MYBPC2: variants seen among roughly 807,000 people sequenced by gnomAD.
MYBPC2 encodes myosin-binding protein C, fast-type.
MYBPC2 carries 122 observed loss-of-function variants against 137.0 expected under a neutral mutation model. The observed-to-expected ratio is 0.89, with a 90% CI of 0.77 to 1.03. MYBPC2 has a LOEUF of 1.03. Ranked by LOEUF, MYBPC2 falls within the 50% of genes least tolerant of loss-of-function variation. MYBPC2 has a pLI of 0.00. For synonymous variants in MYBPC2, 626 were observed against 612.3 expected (o/e 1.02, Z -0.33); for missense variants, 1,500 against 1,534.4 (o/e 0.98, Z 0.37).
intron 1 of MYBPC2, 149 bp downstream of exon 1, chr19:50,433,121 C>T (rs3765069): frequency 0.4 from 397,547 of 989,436 alleles, 84,795 homozygotes; most frequent in Middle Eastern, 0.53. Flanking sequence ...TGGGGGTTCC[C>T]GCATCAGTTT....
Position 50,459,311 on chromosome 19 carries a change from G to T in MYBPC2, c.2791+5G>T. On this transcript the variant is annotated splice_donor_5th_base_variant and intron_variant, in intron 23 of 27. Coordinates refer to ENST00000357701, the MANE Select transcript of MYBPC2 (RefSeq NM_004533.4). ...CCATCCGCATCCGCGTTGTGGGTGCGCGCGCTGGGGAGGGCCCCTGGAGGC... is the reference window on the plus strand; with the variant it reads ...CCATCCGCATCCGCGTTGTGGGTGCTCGCGCTGGGGAGGGCCCCTGGAGGC... The T allele has an allele frequency of 6.3e-7, 1 of 1,592,608 alleles. No homozygotes were observed. Among genetic ancestry groups the T allele is most frequent in the African/African-American group, 1.4e-5 (1 of 73,606 alleles).
rs557987741 is a variant in MYBPC2 at position 50,435,316 on chromosome 19, C to A, written c.109+66C>A. Reference sequence around the variant, plus strand: ...CATCTCCATCCTCCTCGCTACGCCTCTCCAGGCCTTTCCCCAGCCTCTATC... The same window carrying A: ...CATCTCCATCCTCCTCGCTACGCCTATCCAGGCCTTTCCCCAGCCTCTATC... On this transcript the variant is annotated intron_variant, in intron 2 of 27. Transcript: ENST00000357701. The surrounding 1 kb of genome is among the most constrained non-coding windows in gnomAD (Gnocchi z 4.8). The A allele has an allele frequency of 2.3e-4, 164 of 711,050 alleles. No homozygotes were observed. The highest frequency in any genetic ancestry group is 1.5e-3 in the Middle Eastern group (5 of 3,290). The allele number at this position is 711,050 out of a possible 1,614,324, so 44.0% of individuals were successfully genotyped here.
At chr19:50,454,518 T>A (rs1262385851) in intron 18 of MYBPC2, 149 bp downstream of exon 18, 1 of 677,028 alleles carries the variant, frequency 1.5e-6, no homozygotes, top group African/African-American at 1.9e-5. Context: ...CTCTGCCTCC[T>A]GGGTACAAGC....
chr19:50,445,543 C>T (rs1285058977), intron 11 of MYBPC2, among the ~76,000 whole-genome samples: 2 of 152,018 alleles, frequency 1.3e-5, no homozygotes, highest in Non-Finnish European at 2.9e-5. Flanking sequence ...TAGGTGCCCA[C>T]CACCACACCT....
At position 50,437,735 on chromosome 19, in the gene MYBPC2, G is replaced by A; in HGVS notation, c.572+17G>A. On this transcript the variant is annotated intron_variant, in intron 7 of 27. Coordinates refer to ENST00000357701, the MANE Select transcript of MYBPC2 (RefSeq NM_004533.4). ...GAAGAAGAGGTGAGCCCCGGACTTG[G>A]CACAGAGAGGGGAGATGGGACTCAA... The A allele has an allele frequency of 6.3e-7, 1 of 1,595,946 alleles. No individual in the cohort carries two copies. Among genetic ancestry groups the A allele is most frequent in the Non-Finnish European group, 8.5e-7 (1 of 1,171,342 alleles).
chr19:50,462,961 G>A (rs1442626266), intron 26 of MYBPC2, among the ~76,000 whole-genome samples: 1 of 152,172 alleles, frequency 6.6e-6, no homozygotes, highest in African/African-American at 2.4e-5. Context: ...CAGTCCCATG[G>A]AAAAAGAAAC....
Position 50,462,033 on chromosome 19 carries a change from G to A in MYBPC2, c.3225G>A (p.Pro1075=), listed in dbSNP as rs749238068. ...TCAACTGTGCTGTCAGAGGCCACCC[G>A]AAGGTGCCAGGGCAGGGACCCAGAT... ...AALNCAVRGH[P]KPKVVWMKNK... is the part of the protein sequence containing the mutation. The change falls in exon 26 of 28, where the codon CCG becomes CCA. Residue 1075 remains proline, a synonymous_variant. Coordinates refer to ENST00000357701, the MANE Select transcript of MYBPC2 (RefSeq NM_004533.4). 1.2e-5 allele frequency: 19 copies of A among 1,572,236 alleles called. No homozygotes were observed. The highest frequency in any genetic ancestry group is 2.3e-5 in the South Asian group (2 of 85,428).
In MYBPC2 at chr19:50,443,605, G is replaced by A. The variant is rs1211238341; in HGVS notation, c.1014G>A (p.Glu338=). The A allele has an allele frequency of 6.2e-7, 1 of 1,613,684 alleles. No homozygotes were observed. Residue 338 remains glutamate (E), a synonymous_variant, in exon 10 of 28, where the codon GAG becomes GAA. Coordinates refer to ENST00000357701, the MANE Select transcript of MYBPC2 (RefSeq NM_004533.4). ...VAVKDEKCFT[E]LFVKEPPVLI... ...TCAAGGATGAGAAGTGTTTCACCGA[G>A]CTCTTCGTCAAAGGTGAGGCTGGAA...
chr19:50,443,642 G>A, intron 10 of MYBPC2, 24 bp downstream of exon 10: 1 of 1,612,702 alleles, frequency 6.2e-7, no homozygotes, highest in Non-Finnish European at 8.5e-7. Context: ...TCAGAACTGA[G>A]CCTGGAGAGG....
At chr19:50,445,093 G>A (rs534874297) in intron 11 of MYBPC2, among the ~76,000 whole-genome samples, 14 of 152,150 alleles carry the variant, frequency 9.2e-5, no homozygotes, top group Admixed American at 9.2e-4. Context: ...TGTTGTAATA[G>A]CTTCCTAGGA....
intron 12 of MYBPC2, 98 bp downstream of exon 12, chr19:50,446,150 T>C: frequency 2.2e-6 from 3 of 1,363,164 alleles, no homozygotes; most frequent in Non-Finnish European, 3.0e-6. Flanking sequence ...TGTTCCTGAC[T>C]CCTCTCTTTC....
At chr19:50,454,484 G>A (rs991600825) in intron 18 of MYBPC2, 115 bp downstream of exon 18, 2 of 926,688 alleles carry the variant, frequency 2.2e-6, no homozygotes, top group Non-Finnish European at 1.6e-6. Flanking sequence ...GGAGTGCAGT[G>A]GCTCAATCTC....
intron 7 of MYBPC2, among the ~76,000 whole-genome samples, chr19:50,438,533 G>A (rs2039724166): frequency 6.6e-6 from 1 of 152,172 alleles, no homozygotes; most frequent in Admixed American, 6.5e-5. Flanking sequence ...ATAGCCCTCT[G>A]TTAGATTGAA....
In MYBPC2 at chr19:50,445,962, C is replaced by A; in HGVS notation, c.1216C>A (p.Leu406Ile). ...CAAGAAGGACGGGAAGCGCCACATCCTCATCTTCTCAGACGTGGTCCAGGA... is the reference window on the plus strand; with the variant it reads ...CAAGAAGGACGGGAAGCGCCACATCATCATCTTCTCAGACGTGGTCCAGGA... ...RFKKDGKRHILIFSDVVQEDR... is the reference protein window; with the variant it reads ...RFKKDGKRHIIIFSDVVQEDR... Residue 406 changes from leucine to isoleucine, a missense_variant, in exon 12 of 28, where the codon CTC becomes ATC. By Grantham distance (5) the Leu-to-Ile change is conservative. Coordinates refer to ENST00000357701, the MANE Select transcript of MYBPC2 (RefSeq NM_004533.4). 6.2e-7 allele frequency: 1 copy of A among 1,612,966 alleles called. No individual in the cohort carries two copies. The highest frequency in any genetic ancestry group is 8.5e-7 in the Non-Finnish European group (1 of 1,179,540).
chr19:50,441,543 A>G (rs1031087742), intron 8 of MYBPC2, among the ~76,000 whole-genome samples: 1 of 152,214 alleles, frequency 6.6e-6, no homozygotes, highest in African/African-American at 2.4e-5. Context: ...TGCCACCTCA[A>G]TAAAGCTGTT....
intron 13 of MYBPC2, among the ~76,000 whole-genome samples, chr19:50,449,247 G>T (rs758447142): frequency 2.0e-5 from 3 of 152,186 alleles, no homozygotes; most frequent in Non-Finnish European, 2.9e-5. Flanking sequence ...TTGGGGGCTG[G>T]CTGATCCAGG....
rs1444914878 is a variant in MYBPC2, at chr19:50,445,818, C to G, written c.1134-62C>G. 7 of 1,508,244 alleles carry G rather than the reference C, an allele frequency of 4.6e-6. No individual in the cohort carries two copies. In the African/African-American group the frequency reaches 9.6e-5, roughly 21 times the overall value. 93.4% of individuals were successfully genotyped at this position (1,508,244 alleles called of 1,614,324 possible). A position where few individuals can be genotyped will look rare whatever the true frequency, so the allele number is the denominator to read the frequency against. On this transcript the variant is annotated intron_variant, in intron 11 of 27. Transcript: ENST00000357701. The stretch of plus-strand genomic sequence containing the variant: ...CTGCATGGGCCCCCGACTGACTCTC[C>G]AAGACCCAGACCGAGAGCTGTGCTG...
chr19:50,460,659 T>C (rs147275767), intron 24 of MYBPC2, among the ~76,000 whole-genome samples: 54 of 152,350 alleles, frequency 3.5e-4, no homozygotes, highest in Non-Finnish European at 5.9e-4. Context: ...AGTTCATCCA[T>C]GCTGCAGGGT....
chr19:50,436,513 G>A (rs1401760824), intron 4 of MYBPC2, 104 bp from the exon 5 acceptor site: 3 of 1,045,538 alleles, frequency 2.9e-6, no homozygotes, highest in Admixed American at 2.1e-5. Flanking sequence ...CCCCTGTGGG[G>A]TGGGGGTGAG....
Sources: gnomAD v4.1 joint callset for allele counts (sites outside exome capture counted in the v4.1 genomes callset) on GRCh38, gnomAD v4.1.1 for gene constraint, Gnocchi (gnomAD v3.1) non-coding constraint, MANE v1.5 for transcripts, NCBI Gene and HGNC (gene_info 2026-07-23, HGNC 2026-07-21) for gene names.